The following GLRA2 variants were observed in gnomAD, a reference collection of about 807,000 sequenced individuals.
GLRA2 encodes the protein glycine receptor subunit alpha-2.
Under a neutral mutation model 31.6 loss-of-function variants are expected in GLRA2, and 11 were observed. The ratio of observed to expected loss-of-function variants is 0.35; its 90% confidence interval spans 0.22 to 0.58. The LOEUF (loss-of-function observed/expected upper bound fraction) is 0.58, where lower values mean the gene tolerates loss of function less well. Among genes scored for constraint, GLRA2 ranks in the 20% least tolerant of loss-of-function variants. The pLI, the probability that GLRA2 is intolerant of heterozygous loss-of-function variation, is 0.84. For synonymous variants in GLRA2, 132 were observed against 134.0 expected (o/e 0.99, Z 0.10); for missense variants, 212 against 351.8 (o/e 0.60, Z 3.18).
intron 8 of GLRA2, among the ~76,000 whole-genome samples, chrX:14,693,461 A>G (rs919939570): frequency 7.1e-5 from 8 of 111,956 alleles, no homozygotes; most frequent in African/African-American, 2.6e-4. Flanking sequence ...ACATGGCCTC[A>G]GAATACACCA....
chrX:14,656,654 A>G (rs1392781421), intron 7 of GLRA2, among the ~76,000 whole-genome samples: 3 of 112,524 alleles, frequency 2.7e-5, no homozygotes, highest in African/African-American at 9.7e-5. Flanking sequence ...TCAGTCATTC[A>G]TTCACATAAT....
chrX:14,706,289 ATTCACTAGCACATTAAAGCTTG>A (rs996681868), intron 8 of GLRA2, among the ~76,000 whole-genome samples: 2 of 111,886 alleles, frequency 1.8e-5, no homozygotes, highest in African/African-American at 6.5e-5. Context: ...TTCTCAGGAG[ATTCACTAGCACATTAAAGCTTG>A]AGAAGTGCTG....
chrX:14,721,663 G>T (rs1430417320), intron 8 of GLRA2, among the ~76,000 whole-genome samples: 1 of 111,290 alleles, frequency 9.0e-6, no homozygotes, highest in Non-Finnish European at 1.9e-5. Context: ...CCCTGTATAT[G>T]ATTTTTTCCC....
chrX:14,582,822 C>T (rs1460334652), intron 4 of GLRA2, among the ~76,000 whole-genome samples: 1 of 111,869 alleles, frequency 8.9e-6, no homozygotes, highest in African/African-American at 3.3e-5. Flanking sequence ...TGCAACTACT[C>T]AACTCTATCA....
the GLRA2 span, among the ~76,000 whole-genome samples, chrX:14,495,590 A>G: frequency 2.8e-5 from 3 of 108,798 alleles, no homozygotes; most frequent in Non-Finnish European, 5.7e-5. Flanking sequence ...GAGTGTGTGT[A>G]TATATATATA....
intron 2 of GLRA2, among the ~76,000 whole-genome samples, chrX:14,570,271 C>T (rs1418827613): frequency 8.9e-6 from 1 of 111,913 alleles, no homozygotes; most frequent in Admixed American, 9.5e-5. Flanking sequence ...ATACATAATA[C>T]ACACACATAT....
chrX:14,698,445 G>A (rs545788379), intron 8 of GLRA2, among the ~76,000 whole-genome samples: 9 of 109,525 alleles, frequency 8.2e-5, no homozygotes, highest in African/African-American at 3.0e-4. Flanking sequence ...TTGGGAGGCC[G>A]AGGTGGGTGG....
chrX:14,657,826 G>A (rs1250664836), intron 7 of GLRA2, among the ~76,000 whole-genome samples: 1 of 111,549 alleles, frequency 9.0e-6, no homozygotes, highest in Admixed American at 9.5e-5. Context: ...AACCATAATG[G>A]GTCTCCTCTT....
intron 7 of GLRA2, among the ~76,000 whole-genome samples, chrX:14,651,416 T>C (rs1289456801): frequency 9.0e-6 from 1 of 111,728 alleles, no homozygotes; most frequent in African/African-American, 3.2e-5. Flanking sequence ...TATACAGTCA[T>C]GTACCACACA....
At chrX:14,639,564 G>A (rs2090751401) in intron 7 of GLRA2, among the ~76,000 whole-genome samples, 1 of 111,923 alleles carries the variant, frequency 8.9e-6, no homozygotes, top group Admixed American at 9.5e-5. Context: ...TTTAGTGCCA[G>A]TGTGGGAACC....
At chrX:14,544,467 A>G (rs1347177126) in intron 2 of GLRA2, among the ~76,000 whole-genome samples, 1 of 111,400 alleles carries the variant, frequency 9.0e-6, no homozygotes, top group Non-Finnish European at 1.9e-5. Context: ...TAGTTGTGCA[A>G]TTTCCACTCA....
At chrX:14,525,200 C>T (rs2089183669), upstream of GLRA2, among the ~76,000 whole-genome samples, 1 of 110,940 alleles carries the variant, frequency 9.0e-6, no homozygotes, top group East Asian at 2.8e-4. Flanking sequence ...TGTGTTGGTC[C>T]TTATGACATA....
At chrX:14,550,717 T>C (rs2089549105) in intron 2 of GLRA2, among the ~76,000 whole-genome samples, 1 of 111,846 alleles carries the variant, frequency 8.9e-6, no homozygotes. Context: ...AACAGACTTT[T>C]CTAAAAAAAA....
the GLRA2 span, among the ~76,000 whole-genome samples, chrX:14,490,603 C>T: frequency 1.8e-5 from 2 of 111,970 alleles, no homozygotes; most frequent in Non-Finnish European, 3.8e-5. Flanking sequence ...TATCAGCTTG[C>T]AAAATTCATG....
chrX:14,523,231 C>T, the GLRA2 span, among the ~76,000 whole-genome samples: 639 of 111,761 alleles, frequency 5.7e-3, 7 homozygotes, highest in African/African-American at 0.02. Flanking sequence ...ATGAACCAAC[C>T]TCTGTCAGCT....
At chrX:14,632,120 A>T (rs1006931788) in intron 7 of GLRA2, among the ~76,000 whole-genome samples, 1 of 104,822 alleles carries the variant, frequency 9.5e-6, no homozygotes, top group African/African-American at 3.5e-5. Flanking sequence ...TAGACAGTAA[A>T]CTGGAACAAT....
the GLRA2 span, among the ~76,000 whole-genome samples, chrX:14,465,408 T>C: frequency 8.9e-6 from 1 of 112,250 alleles, no homozygotes; most frequent in Non-Finnish European, 1.9e-5. Flanking sequence ...CAGAGACAAT[T>C]CGACTTCTTC....
At chrX:14,509,195 A>G in the GLRA2 span, among the ~76,000 whole-genome samples, 52,064 of 111,165 alleles carry the variant, frequency 0.47, 9,046 homozygotes, top group Non-Finnish European at 0.54. Flanking sequence ...TAGGGATACA[A>G]AAGTAGAGAT....
At chrX:14,586,283 G>A (rs1163092253) in intron 4 of GLRA2, among the ~76,000 whole-genome samples, 1 of 112,102 alleles carries the variant, frequency 8.9e-6, no homozygotes, top group Non-Finnish European at 1.9e-5. Flanking sequence ...CCTTATCTCA[G>A]TGTTAATAAA....
Sources: gnomAD v4.1 joint callset for allele counts (sites outside exome capture counted in the v4.1 genomes callset) on GRCh38, gnomAD v4.1.1 for gene constraint, MANE v1.5 for transcripts, NCBI Gene and HGNC (gene_info 2026-07-23, HGNC 2026-07-21) for gene names.